The following GTF2F2 variants were observed in gnomAD, a reference collection of about 807,000 sequenced individuals.
The protein encoded by GTF2F2 is ATP-dependent helicase GTF2F2.
A neutral mutation model predicts 42.2 loss-of-function variants in GTF2F2; 23 were observed. The observed-to-expected ratio is 0.55, with a 90% confidence interval of 0.39 to 0.77. GTF2F2 has a LOEUF of 0.77. GTF2F2 is among the 30% of genes least tolerant of loss of function. GTF2F2 has a pLI of 0.00. For missense variants in GTF2F2, 261 were observed against 287.2 expected (o/e 0.91, Z 0.66); for synonymous variants, 105 against 100.8 (o/e 1.04, Z -0.25).
chr13:45,200,075 A>C (rs371297806), intron 4 of GTF2F2, among the ~76,000 whole-genome samples: 7 of 152,204 alleles, frequency 4.6e-5, no homozygotes, highest in Admixed American at 2.0e-4. Flanking sequence ...AGCTTGTCAA[A>C]GTTTAGCAGC....
intron 4 of GTF2F2, among the ~76,000 whole-genome samples, chr13:45,205,447 C>G (rs1873374754): frequency 6.6e-6 from 1 of 152,192 alleles, no homozygotes; most frequent in Admixed American, 6.5e-5. Context: ...ATATCAGTAG[C>G]TCTTTTAGTT....
chr13:45,257,300 A>G (rs2138252865), intron 6 of GTF2F2, among the ~76,000 whole-genome samples: 1 of 152,296 alleles, frequency 6.6e-6, no homozygotes, highest in South Asian at 2.1e-4. Context: ...AGGATATGAC[A>G]TGTCAGGTTT....
intron 4 of GTF2F2, among the ~76,000 whole-genome samples, chr13:45,201,396 A>G (rs1181199260): frequency 6.6e-6 from 1 of 152,082 alleles, no homozygotes; most frequent in Non-Finnish European, 1.5e-5. Flanking sequence ...ACACTAATGA[A>G]ATAATAAAAC....
intron 5 of GTF2F2, among the ~76,000 whole-genome samples, chr13:45,209,989 G>C (rs913464046): frequency 6.6e-6 from 1 of 152,090 alleles, no homozygotes; most frequent in African/African-American, 2.4e-5. Flanking sequence ...CCCATGAACT[G>C]CCATTATTTC....
Position 45,267,366 on chromosome 13 carries a change from AG to A in GTF2F2, c.621del (p.Lys207AsnfsTer7). The A allele has an allele frequency of 6.2e-7, 1 of 1,607,374 alleles. No individual in the cohort carries two copies. ...YNLKDLVDIT[K>X]QPVVYLKEIL... ...CTTAAGGACTTGGTGGACATCACAA[AG>A]CAACCTGTGGTATGTATATGTTCAT... On this transcript the variant is annotated frameshift_variant, in exon 7 of 8. Transcript: ENST00000340473. LOFTEE classifies it high-confidence loss of function.
In GTF2F2 at chr13:45,264,438, C is replaced by T. The variant is rs564324562; in HGVS notation, c.487-2795C>T. ...CTGGAGATACAGGCGTGTGCCACCA[C>T]GCCCAGCTAATTTTTTTGTATTTTT... is the stretch of plus-strand genomic sequence containing the variant. On this transcript the variant is annotated intron_variant, in intron 6 of 7. Coordinates refer to ENST00000340473, the MANE Select transcript of GTF2F2 (RefSeq NM_004128.3). Among the ~76,000 whole-genome samples, 22 of 152,150 alleles carry T rather than the reference C, an allele frequency of 1.4e-4. No individual in the cohort carries two copies. In the East Asian group the frequency reaches 1.5e-3, roughly 11 times the overall value.
chr13:45,270,661 A>G (rs1295870366), intron 7 of GTF2F2, among the ~76,000 whole-genome samples: 1 of 152,204 alleles, frequency 6.6e-6, no homozygotes, highest in Non-Finnish European at 1.5e-5. Flanking sequence ...GGACAGATAT[A>G]CAAACCACAG....
At position 45,120,731 on chromosome 13, in the gene GTF2F2, G is replaced by A; in HGVS notation, c.66+10G>A. 1 of 1,547,430 alleles carries A rather than the reference G, an allele frequency of 6.5e-7. No individual in the cohort carries two copies. Among genetic ancestry groups the A allele is most frequent in the Non-Finnish European group, 8.8e-7 (1 of 1,142,192 alleles). ...AGTGTGGCTAGTCAAGGTAATGTTC[G>A]CGAGTCTCCCACTTGCGCTCCTCCT... On this transcript the variant is annotated intron_variant, in intron 1 of 7. Transcript: ENST00000340473.
At chr13:45,177,315 T>C (rs928385097) in intron 4 of GTF2F2, among the ~76,000 whole-genome samples, 8 of 152,222 alleles carry the variant, frequency 5.3e-5, no homozygotes, top group Non-Finnish European at 8.8e-5. Context: ...AGCAAAGTTA[T>C]ACAGTTGCGT....
At chr13:45,167,489 C>T (rs2138139737) in intron 4 of GTF2F2, among the ~76,000 whole-genome samples, 1 of 151,582 alleles carries the variant, frequency 6.6e-6, no homozygotes, top group East Asian at 1.9e-4. Context: ...CCTCCGCCTC[C>T]CAGGTTCAAG....
At chr13:45,154,193 T>C (rs1280044162) in intron 4 of GTF2F2, among the ~76,000 whole-genome samples, 1 of 152,084 alleles carries the variant, frequency 6.6e-6, no homozygotes, top group African/African-American at 2.4e-5. Context: ...CTTTTTTTTG[T>C]AGAAAAAAGT....
chr13:45,168,918 C>T lies in GTF2F2; in HGVS notation c.304+17087C>T, dbSNP rs1252465261. On this transcript the variant is annotated intron_variant, in intron 4 of 7. Transcript: ENST00000340473. The stretch of plus-strand genomic sequence containing the variant: ...CTCCCTCCCTCCCTCCTCCTTCCTT[C>T]CCTCCCTCCCTCCTTCCCTCCTTCC... Among the ~76,000 whole-genome samples the T allele has an allele frequency of 2.4e-4, 27 of 114,824 alleles. No homozygotes were observed. In the Admixed American group the frequency reaches 2.8e-3, roughly 12 times the overall value. The allele number at this position is 114,824 out of a possible 152,430, so 75.3% of individuals were successfully genotyped here. A position where few individuals can be genotyped will look rare whatever the true frequency, so the allele number is the denominator to read the frequency against.
chr13:45,242,872 C>A (rs148909004), intron 5 of GTF2F2, among the ~76,000 whole-genome samples: 1 of 152,270 alleles, frequency 6.6e-6, no homozygotes, highest in African/African-American at 2.4e-5. Flanking sequence ...GATTTCTCTT[C>A]CAAATCTGCC....
intron 4 of GTF2F2, among the ~76,000 whole-genome samples, chr13:45,201,967 G>C (rs188609153): frequency 9.7e-4 from 148 of 152,146 alleles, no homozygotes; most frequent in African/African-American, 3.4e-3. Context: ...AAGCACAAGA[G>C]CGAGCAAGCA....
intron 4 of GTF2F2, among the ~76,000 whole-genome samples, chr13:45,167,266 G>T (rs975199655): frequency 7.0e-6 from 1 of 142,242 alleles, no homozygotes; most frequent in Non-Finnish European, 1.5e-5. Flanking sequence ...ATGGAGTCTC[G>T]CTCTGTTGCC....
At chr13:45,145,076 C>T (rs1003439643) in intron 2 of GTF2F2, among the ~76,000 whole-genome samples, 20 of 152,008 alleles carry the variant, frequency 1.3e-4, no homozygotes, top group Admixed American at 1.0e-3. Flanking sequence ...TGAGCTCATC[C>T]AGTAGAGTGG....
At chr13:45,206,766 T>TA (rs751234849) in intron 4 of GTF2F2, 5 of 152,216 alleles carry the variant, frequency 3.3e-5, no homozygotes, top group Non-Finnish European at 7.3e-5. Context: ...AGAGTCACTA[T>TA]AAGAATTACT....
At chr13:45,239,504 G>A (rs1593511154) in intron 5 of GTF2F2, among the ~76,000 whole-genome samples, 1 of 152,096 alleles carries the variant, frequency 6.6e-6, no homozygotes, top group East Asian at 1.9e-4. Flanking sequence ...AATAAAACAA[G>A]ACAGGCACAA....
At chr13:45,151,192 A>G (rs911330384) in intron 3 of GTF2F2, among the ~76,000 whole-genome samples, 6 of 151,858 alleles carry the variant, frequency 4.0e-5, no homozygotes, top group Admixed American at 3.3e-4. Flanking sequence ...TGTCTACCCA[A>G]TGTTTAGTTC....
Sources: gnomAD v4.1 joint callset for allele counts (sites outside exome capture counted in the v4.1 genomes callset) on GRCh38, gnomAD v4.1.1 for gene constraint, MANE v1.5 for transcripts, NCBI Gene and HGNC (gene_info 2026-07-23, HGNC 2026-07-21) for gene names.